The following HARBI1 variants were observed in gnomAD, a reference collection of about 807,000 sequenced individuals.
HARBI1 encodes putative nuclease HARBI1.
Under a neutral mutation model 25.3 loss-of-function variants are expected in HARBI1, and 15 were observed. The ratio of observed to expected loss-of-function variants is 0.59; its 90% CI spans 0.40 to 0.91. HARBI1 has a LOEUF of 0.91. Among genes scored for constraint, HARBI1 ranks in the 40% least tolerant of loss-of-function variants. The pLI, the probability that HARBI1 is intolerant of heterozygous loss-of-function variation, is 0.00. For synonymous variants in HARBI1, 168 were observed against 160.5 expected (o/e 1.05, Z -0.35); for missense variants, 396 against 445.8 (o/e 0.89, Z 1.01).
In HARBI1 at chr11:46,611,152, C is replaced by T. The variant is rs187513194; in HGVS notation, c.670+4416G>A. 3.8e-3 allele frequency among the ~76,000 whole-genome samples: 573 copies of T among 151,798 alleles called. 20 individuals are homozygous for T. In the South Asian group the frequency reaches 0.074, roughly 20 times the overall value. On this transcript the variant is annotated intron_variant, in intron 2 of 2. Coordinates refer to ENST00000326737, the MANE Select transcript of HARBI1 (RefSeq NM_173811.4). ...CCTCCGGAGTAGCTGGGACTACAGG[C>T]GCCTGCCACCACGCCTGGCTTATGT...
rs996374728 is a variant in HARBI1, at chr11:46,616,710, T to C, written c.-144-329A>G. The C allele has an allele frequency of 4.0e-6, 4 of 991,118 alleles. No homozygotes were observed. The African/African-American group carries it at 7.0e-5, about 17-fold the overall frequency. 61.4% of individuals were successfully genotyped at this position (991,118 alleles called of 1,614,324 possible). A position where few individuals can be genotyped will look rare whatever the true frequency, so the allele number is the denominator to read the frequency against. On this transcript the variant is annotated intron_variant, in intron 1 of 2. Coordinates refer to ENST00000326737, the MANE Select transcript of HARBI1 (RefSeq NM_173811.4). ...TAGGCCAAGAAGCAGCTGACATATG[T>C]CATAACCACCTTGGGTAAGAATTGG...
At chr11:46,616,972 G>A (rs2045575799) in intron 1 of HARBI1, 152 bp downstream of exon 1, 2 of 985,166 alleles carry the variant, frequency 2.0e-6, no homozygotes, top group East Asian at 1.1e-4. Context: ...CAGGAAGTAC[G>A]GAAGACCAGA....
chr11:46,605,129 A>G (rs1027236759), intron 2 of HARBI1, among the ~76,000 whole-genome samples: 3 of 152,062 alleles, frequency 2.0e-5, no homozygotes, highest in African/African-American at 7.2e-5. Flanking sequence ...TTCCTGCCCC[A>G]CCATCAATTT....
intron 2 of HARBI1, among the ~76,000 whole-genome samples, chr11:46,613,885 A>G (rs2135403930): frequency 6.6e-6 from 1 of 152,006 alleles, no homozygotes; most frequent in South Asian, 2.1e-4. Context: ...TGCCCAGGCT[A>G]ATCTCGAGCT....
Position 46,603,418 on chromosome 11 carries a change from T to C in HARBI1, c.*112A>G, listed in dbSNP as rs2044827843. 1 of 959,502 alleles carries C rather than the reference T, an allele frequency of 1.0e-6. No individual in the cohort carries two copies. The highest frequency in any genetic ancestry group is 2.4e-5 in the East Asian group (1 of 40,970). The allele number at this position is 959,502 out of a possible 1,614,324, so 59.4% of individuals were successfully genotyped here. On this transcript the variant is annotated 3_prime_UTR_variant, in exon 3 of 3. Transcript: ENST00000326737. Reference sequence around the variant, plus strand: ...AACACACATATTAAATGTCAGTTTATGACAAGTATCTGTATACTCAGTCAT... The same window carrying C: ...AACACACATATTAAATGTCAGTTTACGACAAGTATCTGTATACTCAGTCAT...
intron 2 of HARBI1, 58 bp downstream of exon 2, chr11:46,615,510 G>T: frequency 6.8e-7 from 1 of 1,461,976 alleles, no homozygotes; most frequent in Non-Finnish European, 9.5e-7. Flanking sequence ...ACCGCCCCCA[G>T]CCTACATAAC....
At chr11:46,605,212 C>T (rs79802747) in intron 2 of HARBI1, among the ~76,000 whole-genome samples, 3,401 of 152,124 alleles carry the variant, frequency 0.022, 126 homozygotes, top group African/African-American at 0.078. Flanking sequence ...TTCTTTTAGG[C>T]GCTTACATTT....
Position 46,603,295 on chromosome 11 carries a change from A to C in HARBI1, c.*235T>G, listed in dbSNP as rs1210517133. ...TTCAAATTAGTGGTACTCAACCTAG[A>C]GTTCACTGGATAGTAGGGAGCCGCT... On this transcript the variant is annotated 3_prime_UTR_variant, in exon 3 of 3. Coordinates refer to ENST00000326737, the MANE Select transcript of HARBI1 (RefSeq NM_173811.4). The C allele has an allele frequency of 2.4e-6, 1 of 409,022 alleles. No individual in the cohort carries two copies. Among genetic ancestry groups the C allele is most frequent in the African/African-American group, 2.0e-5 (1 of 49,474 alleles). 25.3% of individuals were successfully genotyped at this position (409,022 alleles called of 1,614,324 possible).
chr11:46,615,006 G>A (rs561169886), intron 2 of HARBI1, among the ~76,000 whole-genome samples: 3 of 152,150 alleles, frequency 2.0e-5, no homozygotes, highest in Non-Finnish European at 2.9e-5. Flanking sequence ...TCCGCCTCCC[G>A]GGTTCAAGCG....
intron 2 of HARBI1, among the ~76,000 whole-genome samples, chr11:46,609,712 C>T (rs2045098832): frequency 6.6e-6 from 1 of 151,896 alleles, no homozygotes; most frequent in Admixed American, 6.6e-5. Flanking sequence ...ACTTGCTGAC[C>T]AGGCACAGTG....
chr11:46,606,651 T>C (rs1480100822), intron 2 of HARBI1, among the ~76,000 whole-genome samples: 1 of 152,076 alleles, frequency 6.6e-6, no homozygotes, highest in Non-Finnish European at 1.5e-5. Flanking sequence ...TTACTTTAGT[T>C]TTGTTTTTTG....
rs748982160 is a variant in HARBI1 at position 46,615,655 on chromosome 11, C to T, written c.583G>A (p.Gly195Ser). 4 of 1,614,178 alleles carry T rather than the reference C, an allele frequency of 2.5e-6. No homozygotes were observed. Among genetic ancestry groups the T allele is most frequent in the Non-Finnish European group, 3.4e-6 (4 of 1,180,034 alleles). ...AGCACAGCACAGTCCTGTAGGCTGC[C>T]GGGCCAGTTTGTCTCCACGGTCATT... is the stretch of plus-strand genomic sequence containing the variant. ...TLMTVETNWP[G>S]SLQDCAVLQQ... The change falls in exon 2 of 3, where the codon GGC becomes AGC. Residue 195 changes from glycine (G) to serine (S), a missense_variant. Gly to Ser is a moderately conservative substitution (Grantham distance 56). Transcript: ENST00000326737.
chr11:46,608,411 C>T (rs2045041099), intron 2 of HARBI1, among the ~76,000 whole-genome samples: 1 of 152,138 alleles, frequency 6.6e-6, no homozygotes, highest in Non-Finnish European at 1.5e-5. Flanking sequence ...CTCCCACTGT[C>T]CACACAACCT....
At chr11:46,609,831 AAAAT>A (rs1391181186) in intron 2 of HARBI1, among the ~76,000 whole-genome samples, 1 of 150,812 alleles carries the variant, frequency 6.6e-6, no homozygotes, top group African/African-American at 2.4e-5. Flanking sequence ...TACAAAAAAA[AAAAT>A]AAATAAATAA....
intron 2 of HARBI1, among the ~76,000 whole-genome samples, chr11:46,614,557 G>C (rs1354768004): frequency 6.6e-6 from 1 of 151,964 alleles, no homozygotes; most frequent in Non-Finnish European, 1.5e-5. Context: ...TCAACATAGT[G>C]AGACTCTGCC....
rs746329801 is a variant in HARBI1 at position 46,603,803 on chromosome 11, C to T, written c.777G>A (p.Val259=). ...YNMAHSATHS[V]IEKTFRTLCS... ...AGAGGGTTCGGAAAGTCTTCTCAAT[C>T]ACACTGTGAGTTGCAGAATGGGCCA... is the stretch of plus-strand genomic sequence containing the variant. The change falls in exon 3 of 3, where the codon GTG becomes GTA. Residue 259 remains valine (V), a synonymous_variant. Coordinates refer to ENST00000326737, the MANE Select transcript of HARBI1 (RefSeq NM_173811.4). 1.5e-5 allele frequency: 24 copies of T among 1,614,028 alleles called. 1 individual carries two copies. In the South Asian group the frequency reaches 2.4e-4, roughly 16 times the overall value.
In HARBI1 at chr11:46,603,771, C is replaced by A. The variant is rs750335756; in HGVS notation, c.809G>T (p.Arg270Leu). 1.2e-6 allele frequency: 2 copies of A among 1,614,116 alleles called. No homozygotes were observed. The highest frequency in any genetic ancestry group is 1.7e-6 in the Non-Finnish European group (2 of 1,180,032). ...CTTGGATCCATCCAGGCAGCGGAAT[C>A]GGGAGCAGAGGGTTCGGAAAGTCTT... Reference protein sequence around the residue: ...IEKTFRTLCSRFRCLDGSKGA... With the variant: ...IEKTFRTLCSLFRCLDGSKGA... Residue 270 changes from arginine to leucine, a missense_variant, in exon 3 of 3, where the codon CGA (arginine) becomes CTA (leucine). Arg to Leu is a moderately radical substitution (Grantham distance 102, BLOSUM62 -2). Coordinates refer to ENST00000326737, the MANE Select transcript of HARBI1 (RefSeq NM_173811.4).
intron 2 of HARBI1, among the ~76,000 whole-genome samples, chr11:46,612,924 G>A (rs1391718300): frequency 6.8e-6 from 1 of 146,222 alleles, no homozygotes; most frequent in African/African-American, 2.5e-5. Context: ...CGCTTGCCTT[G>A]GCCTCCAAAA....
intron 2 of HARBI1, chr11:46,604,217 T>A (rs2044854861): frequency 1.0e-6 from 1 of 985,184 alleles, no homozygotes; most frequent in Admixed American, 6.2e-5. Flanking sequence ...GAAATAAAAT[T>A]CCTGCATTTG....
Sources: allele counts gnomAD v4.1 joint callset (sites outside exome capture counted in the v4.1 genomes callset), GRCh38; gene constraint gnomAD v4.1.1; transcripts MANE v1.5; gene names NCBI Gene and HGNC (gene_info 2026-07-23, HGNC 2026-07-21).